The following AKAP7 variants were observed in gnomAD, a reference collection of about 807,000 sequenced individuals.
AKAP7 encodes the protein A kinase (PRKA) anchor protein 7.
Under a neutral mutation model 39.5 loss-of-function variants are expected in AKAP7, and 39 were observed. The ratio of observed to expected loss-of-function variants is 0.99; its 90% confidence interval spans 0.76 to 1.29. AKAP7 has a LOEUF of 1.29. Among genes scored for constraint, AKAP7 ranks in the 50% most tolerant of loss-of-function variants. The pLI is 0.00. For synonymous variants in AKAP7, 140 were observed against 139.1 expected (o/e 1.01, Z -0.05); for missense variants, 414 against 407.7 (o/e 1.02, Z -0.13).
At chr6:131,176,285 GT>G (rs568182504) in intron 5 of AKAP7, among the ~76,000 whole-genome samples, 4,641 of 143,230 alleles carry the variant, frequency 0.032, 228 homozygotes, top group African/African-American at 0.11. Context: ...GATCCTGTGT[GT>G]TTTTTTTTTT....
intron 5 of AKAP7, among the ~76,000 whole-genome samples, chr6:131,190,416 G>A (rs1162767230): frequency 6.6e-6 from 1 of 152,090 alleles, no homozygotes; most frequent in Non-Finnish European, 1.5e-5. Flanking sequence ...GCCAAGGCGG[G>A]CAGATCACTT....
At chr6:131,166,995 C>G (rs568645301) in intron 4 of AKAP7, among the ~76,000 whole-genome samples, 1 of 152,056 alleles carries the variant, frequency 6.6e-6, no homozygotes, top group African/African-American at 2.4e-5. Flanking sequence ...CACCTAAACT[C>G]GTTTGTATCC....
chr6:131,152,169 G>C (rs1224807231), intron 2 of AKAP7, among the ~76,000 whole-genome samples: 1 of 152,192 alleles, frequency 6.6e-6, no homozygotes, highest in East Asian at 1.9e-4. Flanking sequence ...AATTAAATTT[G>C]TAAGATGGGT....
At chr6:131,212,844 G>A (rs1157581908) in intron 6 of AKAP7, among the ~76,000 whole-genome samples, 1 of 152,332 alleles carries the variant, frequency 6.6e-6, no homozygotes, top group African/African-American at 2.4e-5. Context: ...AGTGAGAAAA[G>A]TAGAAAGTAC....
intron 6 of AKAP7, among the ~76,000 whole-genome samples, chr6:131,213,233 A>C (rs1293192196): frequency 6.6e-6 from 1 of 152,066 alleles, no homozygotes; most frequent in Non-Finnish European, 1.5e-5. Context: ...AAACAGCCCC[A>C]TTCTCCTGCT....
rs1313214996 is a variant in AKAP7 at position 131,241,585 on chromosome 6, G to A, written c.850+21777G>A. Among the ~76,000 whole-genome samples, 9 of 94,096 alleles carry A rather than the reference G, an allele frequency of 9.6e-5. 1 individual carries two copies. The highest frequency in any genetic ancestry group is 3.4e-4 in the South Asian group (1 of 2,932). The allele number at this position is 94,096 out of a possible 152,430, so 61.7% of individuals were successfully genotyped here. ...GGACATAGATTATATATATGTGTGT[G>A]TGTGTGTGTGTGTGTGTGTGTGTGT... is the stretch of plus-strand genomic sequence containing the variant. On this transcript the variant is annotated intron_variant, in intron 7 of 7. Coordinates refer to ENST00000431975, the MANE Select transcript of AKAP7 (RefSeq NM_016377.4).
At chr6:131,259,987 C>T (rs1437065621) in intron 7 of AKAP7, among the ~76,000 whole-genome samples, 1 of 152,098 alleles carries the variant, frequency 6.6e-6, no homozygotes, top group East Asian at 1.9e-4. Flanking sequence ...GTGTGCTGTT[C>T]CCCTCCCTGT....
the AKAP7 span, among the ~76,000 whole-genome samples, chr6:131,128,041 C>T: frequency 3.9e-5 from 6 of 152,090 alleles, no homozygotes; most frequent in East Asian, 5.8e-4. Flanking sequence ...GGAGGGTGGA[C>T]GCAGGGAGAG....
Position 131,169,203 on chromosome 6 carries a change from TTTTGGAAATCAGGTTGGA to T in AKAP7, c.524_541del (p.Gly175_Phe180del). ...CTTTGCCCTTTCAAGGGATTGGTAC[TTTTGGAAATCAGGTTGGA>T]TTTGTGAAGCTGGCAGAAGGAGATC... is the stretch of plus-strand genomic sequence containing the variant. On this transcript the variant is annotated inframe_deletion, in exon 5 of 8. Transcript: ENST00000431975. 1 of 1,614,140 alleles carries T rather than the reference TTTTGGAAATCAGGTTGGA, an allele frequency of 6.2e-7. No homozygotes were observed.
chr6:131,183,191 C>T (rs1208804689), intron 5 of AKAP7, among the ~76,000 whole-genome samples: 3 of 152,286 alleles, frequency 2.0e-5, no homozygotes, highest in South Asian at 4.1e-4. Context: ...TTAGGGCCTG[C>T]CTGCGGCCAA....
At chr6:131,266,602 G>GA (rs1813816650) in intron 7 of AKAP7, among the ~76,000 whole-genome samples, 1 of 152,086 alleles carries the variant, frequency 6.6e-6, no homozygotes, top group African/African-American at 2.4e-5. Context: ...ACTGAGAAGA[G>GA]AAATATCCTA....
intron 6 of AKAP7, among the ~76,000 whole-genome samples, chr6:131,217,673 A>T (rs1001476985): frequency 6.6e-6 from 1 of 152,210 alleles, no homozygotes; most frequent in African/African-American, 2.4e-5. Context: ...CTTGCAAAAC[A>T]GTTAGCGTTT....
chr6:131,199,247 T>C (rs1807275476), intron 5 of AKAP7, among the ~76,000 whole-genome samples: 1 of 152,250 alleles, frequency 6.6e-6, no homozygotes, highest in Non-Finnish European at 1.5e-5. Context: ...ACCACAGGTG[T>C]GAAATCACTG....
chr6:131,201,443 GT>G (rs920261372), intron 6 of AKAP7, among the ~76,000 whole-genome samples: 2 of 152,082 alleles, frequency 1.3e-5, no homozygotes, highest in East Asian at 3.9e-4. Flanking sequence ...AATTATGATT[GT>G]TTTTTTCTTG....
chr6:131,198,329 G>C (rs1236573123), intron 5 of AKAP7, among the ~76,000 whole-genome samples: 4 of 152,060 alleles, frequency 2.6e-5, no homozygotes, highest in African/African-American at 9.7e-5. Flanking sequence ...TCAAAAATGA[G>C]GGCCATATTG....
intron 5 of AKAP7, chr6:131,185,369 G>T: frequency 1.9e-6 from 1 of 531,450 alleles, no homozygotes; most frequent in South Asian, 1.7e-5. Flanking sequence ...GGCCAAGAAA[G>T]GCAGGCACAT....
intron 3 of AKAP7, among the ~76,000 whole-genome samples, chr6:131,163,959 T>G (rs1803229662): frequency 6.6e-6 from 1 of 151,826 alleles, no homozygotes; most frequent in South Asian, 2.1e-4. Flanking sequence ...AGCAGAAGAC[T>G]TGGAGGGGCC....
At chr6:131,275,856 C>T (rs1019408608) in intron 7 of AKAP7, among the ~76,000 whole-genome samples, 1 of 152,198 alleles carries the variant, frequency 6.6e-6, no homozygotes, top group African/African-American at 2.4e-5. Flanking sequence ...TACAAAAGGC[C>T]TGAAGGGTTC....
intron 7 of AKAP7, among the ~76,000 whole-genome samples, chr6:131,227,477 G>A (rs892222021): frequency 2.0e-5 from 3 of 152,250 alleles, no homozygotes; most frequent in East Asian, 1.9e-4. Flanking sequence ...AGAGAATGAT[G>A]TTGTGCTTGC....
Sources: gnomAD v4.1 joint callset for allele counts (sites outside exome capture counted in the v4.1 genomes callset) on GRCh38, gnomAD v4.1.1 for gene constraint, MANE v1.5 for transcripts, NCBI Gene and HGNC (gene_info 2026-07-23, HGNC 2026-07-21) for gene names.